TSC1: variants seen among roughly 807,000 people sequenced by gnomAD.
TSC1 encodes the protein TSC complex subunit 1.
Under a neutral mutation model 124.3 loss-of-function variants are expected in TSC1, and 20 were observed. That is an observed-to-expected ratio of 0.16 (90% CI 0.11 to 0.23). The LOEUF (loss-of-function observed/expected upper bound fraction) is 0.23. Among genes scored for constraint, TSC1 ranks in the 10% least tolerant of loss-of-function variants. TSC1 has a pLI of 1.00. For synonymous variants in TSC1, 493 were observed against 539.1 expected, an observed-to-expected ratio of 0.91 and a Z score of 1.19; for missense variants, 1,124 against 1,448.5, an observed-to-expected ratio of 0.78 and a Z score of 3.64.
chr9:132,911,528 C>T lies in TSC1; in HGVS notation c.954G>A (p.Met318Ile), dbSNP rs2131979741. The T allele has an allele frequency of 6.3e-7, 1 of 1,587,558 alleles. No homozygotes were observed. The change falls in exon 10 of 23, where the codon ATG (methionine) becomes ATA (isoleucine). Residue 318 changes from methionine to isoleucine, a missense_variant. Met to Ile is a conservative substitution (Grantham distance 10, BLOSUM62 1). Coordinates refer to ENST00000298552, the MANE Select transcript of TSC1 (RefSeq NM_000368.5). ...GTAGCTGCCCTGGCATATTTAACAA[C>T]ATCAGCCGAGACGTGGAGTAAGGGG... ...TSTPYSTSRL[M>I]LLNMPGQLPQ...
At position 132,923,518 on chromosome 9, in the gene TSC1, AACGTCTGTCAGGC is replaced by A; in HGVS notation, c.364-39_364-27del. ...CTGCAGGAGAAAAGGTCAAACAGGA[AACGTCTGTCAGGC>A]ACTGGCACCAGGATCGGCATTGTAC... On this transcript the variant is annotated intron_variant, in intron 5 of 22. Coordinates refer to ENST00000298552, the MANE Select transcript of TSC1 (RefSeq NM_000368.5). This position sits in a 1 kb window ranked among gnomAD's most constrained non-coding sequence, Gnocchi z 4.2. 1 of 1,613,978 alleles carries A rather than the reference AACGTCTGTCAGGC, an allele frequency of 6.2e-7. No individual in the cohort carries two copies. The highest frequency in any genetic ancestry group is 8.5e-7 in the Non-Finnish European group (1 of 1,179,858).
At position 132,924,554 on chromosome 9, in the gene TSC1, T is replaced by C. The variant is rs151297152; in HGVS notation, c.363+1033A>G. On this transcript the variant is annotated intron_variant, in intron 5 of 22. Transcript: ENST00000298552. ...CGTACTCTTTTGGAAAAGATAAGTG[T>C]TTTGCAATCTGAACTAAATGATGTG... Among the ~76,000 whole-genome samples the C allele has an allele frequency of 2.6e-3, 391 of 152,282 alleles. 2 individuals carry two copies. Among genetic ancestry groups the C allele is most frequent in the African/African-American group, 8.8e-3 (367 of 41,530 alleles).
intron 2 of TSC1, 124 bp from the exon 3 acceptor site, chr9:132,929,076 G>A (rs1588364193): frequency 1.3e-6 from 1 of 748,228 alleles, no homozygotes; most frequent in Non-Finnish European, 2.1e-6. Flanking sequence ...AGAATTCTCT[G>A]ATTCAAACAG....
chr9:132,910,161 C>A, intron 12 of TSC1: 3 of 314,906 alleles, frequency 9.5e-6, no homozygotes, highest in Non-Finnish European at 1.8e-5. Flanking sequence ...CTTAGCCAGG[C>A]ATCATGGCAC....
At position 132,902,368 on chromosome 9, in the gene TSC1, GA is replaced by G. The variant is rs954142252; in HGVS notation, c.2391+236del. Among the ~76,000 whole-genome samples, 39 of 151,038 alleles carry G rather than the reference GA, an allele frequency of 2.6e-4. No homozygotes were observed. The highest frequency in any genetic ancestry group is 8.7e-4 in the African/African-American group (36 of 41,210). ...TGTTAACTGTTTCCTTTTGGCTGCA[GA>G]AAAAAAAATGACTGAGACACTAAGG... On this transcript the variant is annotated intron_variant, in intron 18 of 22. Transcript: ENST00000298552. The surrounding 1 kb of genome is among the most constrained non-coding windows in gnomAD (Gnocchi z 5.2).
chr9:132,902,627 T>C lies in TSC1; in HGVS notation c.2369A>G (p.Tyr790Cys), dbSNP rs749111647. Residue 790 changes from tyrosine to cysteine, a missense_variant, in exon 18 of 23, where the codon TAC (tyrosine) becomes TGC (cysteine). Coordinates refer to ENST00000298552, the MANE Select transcript of TSC1 (RefSeq NM_000368.5). The surrounding 1 kb of genome is among the most constrained non-coding windows in gnomAD (Gnocchi z 5.2). ...TACCTGTAATTCCTGGCTCTGGTTGTAGAATTCCTCTCGGTCATGCTGCAG... is the reference window on the plus strand; with the variant it reads ...TACCTGTAATTCCTGGCTCTGGTTGCAGAATTCCTCTCGGTCATGCTGCAG... ...RQLQHDREEFYNQSQELQTKL... is the reference protein window; with the variant it reads ...RQLQHDREEFCNQSQELQTKL... 2 of 1,614,152 alleles carry C rather than the reference T, an allele frequency of 1.2e-6. No homozygotes were observed. The highest frequency in any genetic ancestry group is 1.7e-5 in the Admixed American group (1 of 60,030).
rs1340205343 is a variant in TSC1, at chr9:132,895,496, A to G, written c.*739T>C. 1 of 233,768 alleles carries G rather than the reference A, an allele frequency of 4.3e-6. No homozygotes were observed. Among genetic ancestry groups the G allele is most frequent in the African/African-American group, 2.2e-5 (1 of 45,332 alleles). The allele number at this position is 233,768 out of a possible 1,614,324, so 14.5% of individuals were successfully genotyped here. A position where few individuals can be genotyped will look rare whatever the true frequency, so the allele number is the denominator to read the frequency against. ...CAATAGTACCAGCATTCAAGCAAAC[A>G]CCAAATAAATAAGAGGTAGTGGGGG... On this transcript the variant is annotated 3_prime_UTR_variant, in exon 23 of 23. Transcript: ENST00000298552.
At chr9:132,935,646 G>T (rs1009477836) in intron 1 of TSC1, among the ~76,000 whole-genome samples, 5 of 152,176 alleles carry the variant, frequency 3.3e-5, no homozygotes, top group African/African-American at 1.2e-4. Flanking sequence ...AGCACTGAGT[G>T]GGCCTGCAGG....
chr9:132,903,863 T>C lies in TSC1; in HGVS notation c.2042-46A>G, dbSNP rs1483633188. ...GGGTGGCAGAAATGCCTTTTACAGATGGTTCAATCAAGCCCCCTTCCCATG... is the reference window on the plus strand; with the variant it reads ...GGGTGGCAGAAATGCCTTTTACAGACGGTTCAATCAAGCCCCCTTCCCATG... On this transcript the variant is annotated intron_variant, in intron 16 of 22. Transcript: ENST00000298552. This position sits in a 1 kb window ranked among gnomAD's most constrained non-coding sequence, Gnocchi z 5.9. 6.2e-7 allele frequency: 1 copy of C among 1,609,394 alleles called. No homozygotes were observed. Among genetic ancestry groups the C allele is most frequent in the East Asian group, 2.2e-5 (1 of 44,864 alleles).
rs1024761366 is a variant in TSC1, at chr9:132,935,027, G to A, written c.-81+6C>T. 3 of 398,954 alleles carry A rather than the reference G, an allele frequency of 7.5e-6. No homozygotes were observed. Among genetic ancestry groups the A allele is most frequent in the African/African-American group, 4.1e-5 (2 of 48,630 alleles). 24.7% of individuals were successfully genotyped at this position (398,954 alleles called of 1,614,324 possible). ...TCCTCTAACCACTGGCCTGGTTATA[G>A]CTTACCTGTTCTAGCGACAACTGGT... On this transcript the variant is annotated splice_donor_region_variant and intron_variant, in intron 2 of 22. Coordinates refer to ENST00000298552, the MANE Select transcript of TSC1 (RefSeq NM_000368.5).
intron 1 of TSC1, 99 bp from the exon 2 acceptor site, chr9:132,935,194 C>T (rs977061492): frequency 5.0e-6 from 2 of 397,040 alleles, no homozygotes; most frequent in Non-Finnish European, 8.9e-6. Flanking sequence ...TCCTCTATCC[C>T]TGACAGGTGG....
chr9:132,939,975 G>C (rs1847653905), intron 1 of TSC1, among the ~76,000 whole-genome samples: 1 of 152,100 alleles, frequency 6.6e-6, no homozygotes, highest in Non-Finnish European at 1.5e-5. Context: ...GAAAAAGAAG[G>C]ATGAAGGTAA....
Position 132,906,963 on chromosome 9 carries a change from GCT to G in TSC1, c.1334-130_1334-129del. 2 of 791,112 alleles carry G rather than the reference GCT, an allele frequency of 2.5e-6. No individual in the cohort carries two copies. Among genetic ancestry groups the G allele is most frequent in the South Asian group, 1.5e-5 (1 of 68,572 alleles). The allele number at this position is 791,112 out of a possible 1,614,324, so 49.0% of individuals were successfully genotyped here. On this transcript the variant is annotated intron_variant, in intron 13 of 22. Coordinates refer to ENST00000298552, the MANE Select transcript of TSC1 (RefSeq NM_000368.5). The surrounding 1 kb of genome is among the most constrained non-coding windows in gnomAD (Gnocchi z 4.1). ...TGCTGAACAGAGAAGGCTGGACATG[GCT>G]CTGTCCTGGGGATACTACAAAAGAC...
chr9:132,928,346 C>T (rs1241290118), intron 3 of TSC1, among the ~76,000 whole-genome samples: 1 of 152,172 alleles, frequency 6.6e-6, no homozygotes, highest in Non-Finnish European at 1.5e-5. Flanking sequence ...GCTAACAGTG[C>T]CCATTTCTAT....
Position 132,934,532 on chromosome 9 carries a change from G to A in TSC1, c.-81+501C>T, listed in dbSNP as rs543885920. ...CTGGAGAGCTTACAGAAACTCTGGA[G>A]CAGGTTAACTAAGGGATGGAATCCG... On this transcript the variant is annotated intron_variant, in intron 2 of 22. Transcript: ENST00000298552. The A allele has an allele frequency of 2.6e-5, 4 of 152,492 alleles. No homozygotes were observed. In the South Asian group the frequency reaches 8.3e-4, roughly 32 times the overall value. The allele number at this position is 152,492 out of a possible 1,614,324, so 9.4% of individuals were successfully genotyped here.
intron 20 of TSC1, chr9:132,899,851 T>C (rs545262222): frequency 6.6e-6 from 1 of 152,392 alleles, no homozygotes; most frequent in African/African-American, 2.4e-5. Context: ...AGGAGCTCTC[T>C]TGTGCCTCGG....
At chr9:132,904,622 A>G (rs1845561022) in intron 15 of TSC1, among the ~76,000 whole-genome samples, 168 bp from the exon 16 acceptor site, 1 of 108,372 alleles carries the variant, frequency 9.2e-6, no homozygotes, top group South Asian at 2.6e-4. Context: ...AGAAGCCTAC[A>G]CTGGACACAA....
At chr9:132,936,716 T>A (rs780381197) in intron 1 of TSC1, among the ~76,000 whole-genome samples, 1 of 152,190 alleles carries the variant, frequency 6.6e-6, no homozygotes, top group Non-Finnish European at 1.5e-5. Flanking sequence ...CTAGGGCCTA[T>A]CCTGGCACCT....
In TSC1 at chr9:132,923,969, A is replaced by C. The variant is rs1357917529; in HGVS notation, c.364-477T>G. The stretch of plus-strand genomic sequence containing the variant: ...ACTTACTATTTTTTAAAGAACTACA[A>C]CAGAAGTATAATTGAAGGAGAAATT... On this transcript the variant is annotated intron_variant, in intron 5 of 22. Transcript: ENST00000298552. This position sits in a 1 kb window ranked among gnomAD's most constrained non-coding sequence, Gnocchi z 4.2. Among the ~76,000 whole-genome samples, 1 of 152,182 alleles carries C rather than the reference A, an allele frequency of 6.6e-6. No individual in the cohort carries two copies. The highest frequency in any genetic ancestry group is 2.4e-5 in the African/African-American group (1 of 41,452).
Sources: allele counts gnomAD v4.1 joint callset (sites outside exome capture counted in the v4.1 genomes callset), GRCh38; gene constraint gnomAD v4.1.1; non-coding constraint Gnocchi (gnomAD v3.1); transcripts MANE v1.5; gene names NCBI Gene and HGNC (gene_info 2026-07-23, HGNC 2026-07-21).